Variants in PEBP4 observed in about 807,000 individuals in gnomAD.
The protein encoded by PEBP4 is phosphatidylethanolamine-binding protein 4.
A neutral mutation model predicts 23.9 loss-of-function variants in PEBP4; 22 were observed. That is an observed-to-expected ratio of 0.92 (90% CI 0.66 to 1.31). PEBP4 has a LOEUF of 1.31. PEBP4 is among the 40% of genes most tolerant of loss of function. The probability of loss-of-function intolerance (pLI) is 0.00; values close to 1 mark genes in which losing one functional copy is unlikely to be tolerated. For synonymous variants in PEBP4, 112 were observed against 99.3 expected, an observed-to-expected ratio of 1.13 and a Z score of -0.76; for missense variants, 324 against 281.7, an observed-to-expected ratio of 1.15 and a Z score of -1.07.
At chr8:22,794,282 G>A (rs1806197415) in intron 4 of PEBP4, among the ~76,000 whole-genome samples, 1 of 138,760 alleles carries the variant, frequency 7.2e-6, no homozygotes, top group Non-Finnish European at 1.6e-5. Context: ...ACAACCCTGT[G>A]AGAGGTACGC....
At chr8:22,771,346 C>T (rs138054144) in intron 4 of PEBP4, among the ~76,000 whole-genome samples, 1,540 of 152,082 alleles carry the variant, frequency 0.01, 23 homozygotes, top group African/African-American at 0.034. Flanking sequence ...AAAATTAGTC[C>T]GACATGGTGG....
At chr8:22,903,310 AT>A (rs1316376606) in intron 3 of PEBP4, among the ~76,000 whole-genome samples, 3 of 152,202 alleles carry the variant, frequency 2.0e-5, no homozygotes, top group Non-Finnish European at 4.4e-5. Context: ...CAGTTTTCTC[AT>A]CTATAAAACG....
At chr8:22,861,492 A>C (rs1807777734) in intron 3 of PEBP4, among the ~76,000 whole-genome samples, 1 of 152,258 alleles carries the variant, frequency 6.6e-6, no homozygotes, top group Admixed American at 6.5e-5. Context: ...GAGGAAATTA[A>C]GTCATACGGC....
chr8:22,897,446 G>A (rs906658321), intron 3 of PEBP4, among the ~76,000 whole-genome samples: 3 of 152,114 alleles, frequency 2.0e-5, no homozygotes, highest in Admixed American at 1.3e-4. Context: ...CCCTTTCATC[G>A]TCTTACTCAG....
At position 22,901,954 on chromosome 8, in the gene PEBP4, G is replaced by A. The variant is rs531131445; in HGVS notation, c.258+18230C>T. Among the ~76,000 whole-genome samples the A allele has an allele frequency of 2.6e-5, 4 of 152,314 alleles. No homozygotes were observed. In the South Asian group the frequency reaches 6.2e-4, roughly 24 times the overall value. On this transcript the variant is annotated intron_variant, in intron 3 of 6. Transcript: ENST00000256404. The stretch of plus-strand genomic sequence containing the variant: ...GAATGAGCCAGTCAGCTATCCAGAA[G>A]ATGAGCTTAGAAAGAACAGCTCATC...
At chr8:22,918,607 G>T (rs1027498206) in intron 3 of PEBP4, among the ~76,000 whole-genome samples, 1 of 152,206 alleles carries the variant, frequency 6.6e-6, no homozygotes, top group African/African-American at 2.4e-5. Flanking sequence ...ATCAGCACGC[G>T]GAAGGGAGCC....
Position 22,833,697 on chromosome 8 carries a change from C to G in PEBP4, c.259-15962G>C, listed in dbSNP as rs1585298044. ...ACTGAGCTGACCTGGCTAGGTTAAG[C>G]TTCACGATCGTGATTAGTGGAGAGC... On this transcript the variant is annotated intron_variant, in intron 3 of 6. Transcript: ENST00000256404. Among the ~76,000 whole-genome samples the G allele has an allele frequency of 2.6e-5, 4 of 152,330 alleles. No individual in the cohort carries two copies. The South Asian group carries it at 8.3e-4, about 32-fold the overall frequency.
intron 1 of PEBP4, among the ~76,000 whole-genome samples, chr8:22,934,241 T>C (rs985736237): frequency 2.0e-5 from 3 of 152,144 alleles, no homozygotes; most frequent in African/African-American, 7.2e-5. Context: ...AGACAATGAA[T>C]AAAATAATTA....
intron 4 of PEBP4, among the ~76,000 whole-genome samples, chr8:22,786,263 T>C (rs971390814): frequency 6.6e-6 from 1 of 152,108 alleles, no homozygotes; most frequent in Non-Finnish European, 1.5e-5. Flanking sequence ...GCTAGGTATA[T>C]TTCTGTTTTT....
chr8:22,748,575 T>G (rs1805179321), intron 4 of PEBP4, among the ~76,000 whole-genome samples: 1 of 151,046 alleles, frequency 6.6e-6, no homozygotes. Flanking sequence ...CATTCTTCTG[T>G]ACTAGGTTGC....
intron 4 of PEBP4, among the ~76,000 whole-genome samples, chr8:22,790,029 G>A (rs978056736): frequency 6.6e-6 from 1 of 152,106 alleles, no homozygotes; most frequent in African/African-American, 2.4e-5. Context: ...CCCCATGGCC[G>A]CTCCGTCATC....
chr8:22,727,302 C>G, intron 4 of PEBP4, 82 bp from the exon 5 acceptor site: 1 of 1,378,972 alleles, frequency 7.3e-7, no homozygotes, highest in Non-Finnish European at 1.0e-6. Flanking sequence ...TTGCTTCTCT[C>G]TCTGCAGGAG....
At chr8:22,805,621 C>T (rs749313189) in intron 4 of PEBP4, among the ~76,000 whole-genome samples, 5 of 152,198 alleles carry the variant, frequency 3.3e-5, no homozygotes, top group South Asian at 2.1e-4. Context: ...CCACCATGCC[C>T]GGCCATGATT....
chr8:22,917,845 C>T (rs530902040), intron 3 of PEBP4, among the ~76,000 whole-genome samples: 1 of 152,278 alleles, frequency 6.6e-6, no homozygotes, highest in South Asian at 2.1e-4. Flanking sequence ...CTGGGGTTGA[C>T]AAATTGGTCA....
chr8:22,916,654 T>A (rs1809080279), intron 3 of PEBP4, among the ~76,000 whole-genome samples: 1 of 149,992 alleles, frequency 6.7e-6, no homozygotes, highest in South Asian at 2.1e-4. Flanking sequence ...TGTCATTCAT[T>A]CATTCATTCA....
At chr8:22,833,142 C>T (rs1032029870) in intron 3 of PEBP4, among the ~76,000 whole-genome samples, 6 of 152,170 alleles carry the variant, frequency 3.9e-5, no homozygotes, top group East Asian at 1.9e-4. Context: ...TGCTGTGCCT[C>T]CTGTTTCTAG....
At chr8:22,867,819 C>G (rs931180072) in intron 3 of PEBP4, among the ~76,000 whole-genome samples, 1 of 152,210 alleles carries the variant, frequency 6.6e-6, no homozygotes, top group Non-Finnish European at 1.5e-5. Context: ...TGTGAAAACT[C>G]GGCTCTTGCT....
intron 4 of PEBP4, among the ~76,000 whole-genome samples, chr8:22,779,134 C>T (rs1453348483): frequency 6.6e-6 from 1 of 151,916 alleles, no homozygotes; most frequent in Non-Finnish European, 1.5e-5. Context: ...CAGCTCTGCG[C>T]GTGTGATGGT....
At chr8:22,895,413 A>G (rs1203791247) in intron 3 of PEBP4, 1 of 152,230 alleles carries the variant, frequency 6.6e-6, no homozygotes, top group East Asian at 1.9e-4. Context: ...CTTCACAAGC[A>G]TTTAGACATG....
Sources: allele counts gnomAD v4.1 joint callset (sites outside exome capture counted in the v4.1 genomes callset), GRCh38; gene constraint gnomAD v4.1.1; transcripts MANE v1.5; gene names NCBI Gene and HGNC (gene_info 2026-07-23, HGNC 2026-07-21).